FOXN3: variants seen among roughly 807,000 people sequenced by gnomAD.
The protein encoded by FOXN3 is forkhead box protein N3.
In FOXN3, 7 loss-of-function variants were observed where a neutral mutation model predicts 38.4. The observed-to-expected ratio is 0.18, with a 90% CI of 0.10 to 0.34. FOXN3 has a LOEUF of 0.34. Ranked by LOEUF, FOXN3 falls within the 10% of genes least tolerant of loss-of-function variation. FOXN3 has a pLI of 1.00. For synonymous variants in FOXN3, 230 were observed against 242.2 expected (o/e 0.95, Z 0.47); for missense variants, 456 against 613.4 (o/e 0.74, Z 2.71).
At chr14:89,434,948 T>C (rs151017713) in intron 1 of FOXN3, among the ~76,000 whole-genome samples, 10 of 152,314 alleles carry the variant, frequency 6.6e-5, no homozygotes, top group African/African-American at 2.2e-4. Context: ...AGAATTATTA[T>C]AGTTACAGGT....
At chr14:89,363,960 A>ATATATATATATATATATAT (rs1566968865) in intron 2 of FOXN3, among the ~76,000 whole-genome samples, 2 of 11,292 alleles carry the variant, frequency 1.8e-4, no homozygotes, top group African/African-American at 3.8e-4. Context: ...ATATATATAT[A>ATATATATATATATATATAT]TATATATATA....
chr14:89,344,014 G>T (rs1888696134), intron 3 of FOXN3, among the ~76,000 whole-genome samples: 2 of 152,090 alleles, frequency 1.3e-5, no homozygotes, highest in Admixed American at 6.6e-5. Context: ...CACCCACCTT[G>T]GCCTCCCAAA....
intron 5 of FOXN3, among the ~76,000 whole-genome samples, chr14:89,166,138 CAA>C (rs920044861): frequency 1.3e-5 from 2 of 152,038 alleles, no homozygotes; most frequent in African/African-American, 4.8e-5. Context: ...TTTTTTAAAT[CAA>C]AGTTTTAGGG....
chr14:89,237,950 A>C lies in FOXN3; in HGVS notation c.745+43000T>G, dbSNP rs191132238. Among the ~76,000 whole-genome samples the C allele has an allele frequency of 3.3e-5, 5 of 152,322 alleles. No individual in the cohort carries two copies. In the East Asian group the frequency reaches 9.6e-4, roughly 29 times the overall value. The stretch of plus-strand genomic sequence containing the variant: ...GTCTTAGTTCACACTCTAGCACATT[A>C]TGGGCACCAAAAAAAGTTGTTGGAT... On this transcript the variant is annotated intron_variant, in intron 4 of 5. Coordinates refer to ENST00000557258, the MANE Select transcript of FOXN3 (RefSeq NM_005197.4).
chr14:89,359,117 G>A (rs1355278216), intron 2 of FOXN3, among the ~76,000 whole-genome samples: 2 of 152,002 alleles, frequency 1.3e-5, no homozygotes, highest in African/African-American at 4.8e-5. Flanking sequence ...TCAACATGGT[G>A]AAACCTGTCT....
chr14:89,478,165 T>C (rs1482610781), intron 1 of FOXN3, among the ~76,000 whole-genome samples: 1 of 152,126 alleles, frequency 6.6e-6, no homozygotes, highest in Non-Finnish European at 1.5e-5. Context: ...TGAAAGTGTG[T>C]GGCGCCTCCC....
At chr14:89,419,027 C>A (rs1566649706), upstream of FOXN3, 1 of 423,238 alleles carries the variant, frequency 2.4e-6, no homozygotes, top group Non-Finnish European at 4.8e-6. Context: ...GCCCCAGTCC[C>A]CTCCTGCTTT....
At chr14:89,239,778 T>C (rs1224471480) in intron 4 of FOXN3, among the ~76,000 whole-genome samples, 1 of 152,236 alleles carries the variant, frequency 6.6e-6, no homozygotes, top group Non-Finnish European at 1.5e-5. Context: ...AAACCAATCA[T>C]GTGCTAGCTA....
At chr14:89,536,783 TAA>T (rs58499483) in intron 1 of FOXN3, among the ~76,000 whole-genome samples, 9 of 150,594 alleles carry the variant, frequency 6.0e-5, no homozygotes, top group Non-Finnish European at 1.0e-4. Context: ...ATCTCAAAAA[TAA>T]AAAAAAAAAT....
At chr14:89,185,862 G>A (rs1006325079) in intron 4 of FOXN3, 1 of 152,248 alleles carries the variant, frequency 6.6e-6, no homozygotes, top group Non-Finnish European at 1.5e-5. Context: ...GAGCCAAACA[G>A]AGCAGCACTG....
chr14:89,504,627 T>C (rs1386314194), intron 1 of FOXN3, among the ~76,000 whole-genome samples: 1 of 152,172 alleles, frequency 6.6e-6, no homozygotes, highest in African/African-American at 2.4e-5. Context: ...CCTAAGTCTC[T>C]ACCACTTCCC....
At chr14:89,231,453 CAGGTG>C (rs1884804735) in intron 4 of FOXN3, among the ~76,000 whole-genome samples, 1 of 152,094 alleles carries the variant, frequency 6.6e-6, no homozygotes, top group Non-Finnish European at 1.5e-5. Context: ...GCTAACAAGC[CAGGTG>C]ATCCAAGAGG....
At chr14:89,616,521 A>ACCCCCCCCCC (rs1161046760) in intron 1 of FOXN3, among the ~76,000 whole-genome samples, 56 of 137,886 alleles carry the variant, frequency 4.1e-4, no homozygotes, top group African/African-American at 6.7e-4. Flanking sequence ...TCACTCCCCA[A>ACCCCCCCCCC]CCCCACCCCC....
At chr14:89,322,466 G>A (rs536604886) in intron 3 of FOXN3, among the ~76,000 whole-genome samples, 2 of 152,276 alleles carry the variant, frequency 1.3e-5, no homozygotes, top group African/African-American at 2.4e-5. Context: ...TGCCTTTAAA[G>A]TGTAAATGCC....
intron 1 of FOXN3, among the ~76,000 whole-genome samples, chr14:89,447,812 T>A (rs571812069): frequency 8.5e-6 from 1 of 118,154 alleles, no homozygotes; most frequent in South Asian, 2.8e-4. Context: ...ATGCCTTTCT[T>A]CCTTTTTTTT....
intron 1 of FOXN3, among the ~76,000 whole-genome samples, chr14:89,488,624 C>CAAA (rs34611131): frequency 6.7e-5 from 8 of 119,410 alleles, no homozygotes; most frequent in Non-Finnish European, 7.2e-5. Context: ...TGCCCCATCT[C>CAAA]AAAAAAAAAA....
intron 2 of FOXN3, among the ~76,000 whole-genome samples, chr14:89,359,763 C>T (rs970252752): frequency 6.6e-5 from 10 of 152,112 alleles, no homozygotes; most frequent in African/African-American, 2.2e-4. Context: ...GAGGAGAGGC[C>T]CTGACCCCGA....
At position 89,298,472 on chromosome 14, in the gene FOXN3, T is replaced by TAA. The variant is rs55856005; in HGVS notation, c.681-17460_681-17459dup. 1.3e-3 allele frequency among the ~76,000 whole-genome samples: 163 copies of TAA among 123,552 alleles called. 2 individuals are homozygous for TAA. The highest frequency in any genetic ancestry group is 1.9e-3 in the African/African-American group (64 of 33,080). The allele number at this position is 123,552 out of a possible 152,430, so 81.1% of individuals were successfully genotyped here. On this transcript the variant is annotated intron_variant, in intron 3 of 5. Transcript: ENST00000557258. ...GTGATAGAGGGAGACTCCGTCTATT[T>TAA]AAAAAAAAAAAAAAAAAAAAGGCTG...
intron 2 of FOXN3, among the ~76,000 whole-genome samples, chr14:89,381,137 C>T (rs1890632922): frequency 8.4e-6 from 1 of 119,462 alleles, no homozygotes; most frequent in South Asian, 3.0e-4. Context: ...GTGAGACTCC[C>T]TCCGTCTCAA....
Sources: allele counts gnomAD v4.1 joint callset (sites outside exome capture counted in the v4.1 genomes callset), GRCh38; gene constraint gnomAD v4.1.1; transcripts MANE v1.5; gene names NCBI Gene and HGNC (gene_info 2026-07-23, HGNC 2026-07-21).